The following NRG2 variants were observed in gnomAD, a reference collection of about 807,000 sequenced individuals.
The protein encoded by NRG2 is pro-neuregulin-2, membrane-bound isoform.
A neutral mutation model predicts 73.9 loss-of-function variants in NRG2; 27 were observed. The ratio of observed to expected loss-of-function variants is 0.37; its 90% CI spans 0.27 to 0.50. The LOEUF is 0.50. Ranked by LOEUF, NRG2 falls within the 20% of genes least tolerant of loss-of-function variation. The pLI, the probability that NRG2 is intolerant of heterozygous loss-of-function variation, is 0.96. For missense variants in NRG2, 1,126 were observed against 1,210.1 expected, an observed-to-expected ratio of 0.93 and a Z score of 1.03; for synonymous variants, 532 against 541.0, an observed-to-expected ratio of 0.98 and a Z score of 0.23.
At chr5:140,038,371 AT>A (rs1000668020) in intron 1 of NRG2, among the ~76,000 whole-genome samples, 13 of 152,190 alleles carry the variant, frequency 8.5e-5, no homozygotes, top group African/African-American at 3.1e-4. Flanking sequence ...AGAAAAAAAA[AT>A]AAGAGGGTCT....
At chr5:140,023,535 T>A (rs1353276567) in intron 1 of NRG2, among the ~76,000 whole-genome samples, 1 of 152,264 alleles carries the variant, frequency 6.6e-6, no homozygotes, top group African/African-American at 2.4e-5. Context: ...TGCTACTGAT[T>A]CATGTGAGTT....
intron 1 of NRG2, among the ~76,000 whole-genome samples, chr5:140,030,150 C>G (rs1283585433): frequency 1.3e-5 from 2 of 152,186 alleles, no homozygotes; most frequent in African/African-American, 2.4e-5. Flanking sequence ...TGACAACACT[C>G]ACTCCTACTC....
At chr5:139,989,538 A>AACTT (rs1757416729) in intron 1 of NRG2, among the ~76,000 whole-genome samples, 1 of 152,008 alleles carries the variant, frequency 6.6e-6, no homozygotes, top group Non-Finnish European at 1.5e-5. Flanking sequence ...CATCTATAAG[A>AACTT]GTTCCTAAAT....
chr5:139,866,718 C>T (rs1292831878), intron 4 of NRG2, among the ~76,000 whole-genome samples: 1 of 152,214 alleles, frequency 6.6e-6, no homozygotes, highest in Non-Finnish European at 1.5e-5. Flanking sequence ...GCCTTGCTTA[C>T]AGCTCTAAAG....
At chr5:139,854,763 C>T (rs918378462) in intron 6 of NRG2, among the ~76,000 whole-genome samples, 9 of 152,162 alleles carry the variant, frequency 5.9e-5, no homozygotes, top group Non-Finnish European at 8.8e-5. Context: ...GTTACAAACC[C>T]GTCATCTTTC....
intron 1 of NRG2, among the ~76,000 whole-genome samples, chr5:140,025,114 C>T (rs1037518191): frequency 1.3e-5 from 2 of 152,164 alleles, no homozygotes; most frequent in African/African-American, 2.4e-5. Context: ...GAAAAAAACC[C>T]CTGACAAGGC....
intron 1 of NRG2, among the ~76,000 whole-genome samples, chr5:139,995,189 C>T (rs1337704909): frequency 6.6e-6 from 1 of 152,206 alleles, no homozygotes; most frequent in Non-Finnish European, 1.5e-5. Flanking sequence ...CTGAGACAGA[C>T]AGAGTCTAGA....
At chr5:139,907,580 T>C (rs2127186794) in intron 1 of NRG2, among the ~76,000 whole-genome samples, 1 of 152,272 alleles carries the variant, frequency 6.6e-6, no homozygotes, top group Admixed American at 6.5e-5. Flanking sequence ...AAGACAATTC[T>C]CCTGGGGGTA....
intron 1 of NRG2, among the ~76,000 whole-genome samples, chr5:140,009,487 A>T (rs1432908916): frequency 6.6e-6 from 1 of 152,254 alleles, no homozygotes; most frequent in African/African-American, 2.4e-5. Flanking sequence ...TTATGTAAAC[A>T]TAAGTTTCCA....
intron 1 of NRG2, among the ~76,000 whole-genome samples, chr5:139,913,428 G>A (rs192084804): frequency 6.6e-6 from 1 of 152,312 alleles, no homozygotes; most frequent in Admixed American, 6.5e-5. Flanking sequence ...TCCGACTGAT[G>A]TCCAGTGGAG....
chr5:139,855,828 A>G, intron 5 of NRG2, 50 bp from the exon 6 acceptor site: 1 of 1,449,874 alleles, frequency 6.9e-7, no homozygotes. Flanking sequence ...CAAACCCCAT[A>G]GGGATAGTGG....
intron 1 of NRG2, among the ~76,000 whole-genome samples, chr5:139,982,749 G>A (rs997447725): frequency 1.3e-5 from 2 of 152,200 alleles, no homozygotes; most frequent in African/African-American, 2.4e-5. Context: ...CCATTCCCCC[G>A]CAAGGCGCCT....
intron 1 of NRG2, among the ~76,000 whole-genome samples, chr5:139,925,211 G>A (rs930163281): frequency 6.6e-6 from 1 of 152,088 alleles, no homozygotes; most frequent in Non-Finnish European, 1.5e-5. Context: ...TGACTACCAG[G>A]GTAGAAAATT....
chr5:139,969,933 A>G (rs1755846635), intron 1 of NRG2, among the ~76,000 whole-genome samples: 1 of 152,238 alleles, frequency 6.6e-6, no homozygotes. Context: ...TAATATAAAT[A>G]AAGCAATAAA....
chr5:139,994,814 A>C (rs1052960056), intron 1 of NRG2, among the ~76,000 whole-genome samples: 1 of 152,170 alleles, frequency 6.6e-6, no homozygotes, highest in African/African-American at 2.4e-5. Context: ...GGTTCCACAA[A>C]AGGAAGGAGG....
At position 139,852,995 on chromosome 5, in the gene NRG2, C is replaced by T. The variant is rs779371559; in HGVS notation, c.1325G>A (p.Arg442Gln). 16 of 1,613,018 alleles carry T rather than the reference C, an allele frequency of 9.9e-6. No homozygotes were observed. Among genetic ancestry groups the T allele is most frequent in the South Asian group, 5.5e-5 (5 of 90,994 alleles). ...CTGATGGGCCGGGCACATGTTCTGC[C>T]GGAGGTGGTTGTGCATCTGCTTCCG... ...KQRKQMHNHL[R>Q]QNMCPAHQNR... The change falls in exon 7 of 10, where the codon CGG (arginine) becomes CAG (glutamine). Residue 442 changes from arginine to glutamine, a missense_variant. Physicochemically the swap from Arg to Gln is conservative, Grantham distance 43. This residue lies in a region of NRG2 where 539 missense variants were observed against 703.2 expected (regional missense o/e 0.77). Coordinates refer to ENST00000361474, the MANE Select transcript of NRG2 (RefSeq NM_004883.3). The surrounding 1 kb of genome is among the most constrained non-coding windows in gnomAD (Gnocchi z 4.4).
chr5:139,882,704 CG>C (rs1184364993), intron 2 of NRG2, among the ~76,000 whole-genome samples: 1 of 151,818 alleles, frequency 6.6e-6, no homozygotes, highest in Non-Finnish European at 1.5e-5. Context: ...CCTGAGGGTC[CG>C]GGGGTGGGGG....
chr5:140,001,639 A>T (rs1758488712), intron 1 of NRG2, among the ~76,000 whole-genome samples: 1 of 151,014 alleles, frequency 6.6e-6, no homozygotes, highest in South Asian at 2.1e-4. Flanking sequence ...AGGTGGGAGG[A>T]TCGCTTGAGG....
intron 2 of NRG2, among the ~76,000 whole-genome samples, chr5:139,883,881 C>CA (rs979437829): frequency 3.9e-5 from 6 of 152,102 alleles, no homozygotes; most frequent in Admixed American, 3.3e-4. Context: ...AGGTAGGGAG[C>CA]AGGGGGCACA....
Sources: gnomAD v4.1 joint callset for allele counts (sites outside exome capture counted in the v4.1 genomes callset) on GRCh38, gnomAD v4.1.1 for gene constraint, gnomAD v4.1.1 regional missense constraint, Gnocchi (gnomAD v3.1) non-coding constraint, MANE v1.5 for transcripts, NCBI Gene and HGNC (gene_info 2026-07-23, HGNC 2026-07-21) for gene names.